The following GARIN2 variants were observed in gnomAD, a reference collection of about 807,000 sequenced individuals.
GARIN2 encodes golgi associated RAB2 interactor family member 2, also known as Golgi-associated RAB2 interactor protein 2.
At chr14:67,219,416 T>G in the GARIN2 span, among the ~76,000 whole-genome samples, 1 of 152,184 alleles carries the variant, frequency 6.6e-6, no homozygotes, top group African/African-American at 2.4e-5. Flanking sequence ...TCCAGTGACC[T>G]TCCTTTGACA....
the GARIN2 span, among the ~76,000 whole-genome samples, chr14:67,222,604 T>A: frequency 6.6e-6 from 1 of 152,142 alleles, no homozygotes; most frequent in Admixed American, 6.5e-5. Context: ...TATTTGGCAG[T>A]GGGGAGTGAT....
chr14:67,200,239 A>C, the GARIN2 span: 2 of 948,634 alleles, frequency 2.1e-6, no homozygotes, highest in Non-Finnish European at 3.1e-6. Context: ...CCCACACCCT[A>C]TGGCTACCAG....
At chr14:67,225,061 T>C in the GARIN2 span, 12 of 1,470,448 alleles carry the variant, frequency 8.2e-6, no homozygotes, top group East Asian at 2.3e-4. Flanking sequence ...TCTTTCTCAC[T>C]TCCTCTCTAT....
chr14:67,225,798 T>C, the GARIN2 span, among the ~76,000 whole-genome samples: 8 of 152,162 alleles, frequency 5.3e-5, no homozygotes, highest in African/African-American at 1.7e-4. Flanking sequence ...AGCTCTGCAG[T>C]GCGTTGCTGA....
chr14:67,212,613 A>G, the GARIN2 span, among the ~76,000 whole-genome samples: 1 of 145,378 alleles, frequency 6.9e-6, no homozygotes, highest in African/African-American at 2.5e-5. Context: ...ATATATATAT[A>G]TGTAATATAT....
At chr14:67,200,020 C>A in the GARIN2 span, 1 of 957,228 alleles carries the variant, frequency 1.0e-6, no homozygotes, top group Non-Finnish European at 1.6e-6. Context: ...TGGTTTAGGA[C>A]ATCCCCATTC....
chr14:67,213,426 G>T, the GARIN2 span, among the ~76,000 whole-genome samples: 2 of 142,680 alleles, frequency 1.4e-5, no homozygotes, highest in Non-Finnish European at 3.0e-5. Context: ...TTGGTTTTTT[G>T]TTCTTGCGAT....
At chr14:67,194,402 C>T in the GARIN2 span, among the ~76,000 whole-genome samples, 1 of 151,738 alleles carries the variant, frequency 6.6e-6, no homozygotes, top group African/African-American at 2.4e-5. Context: ...AGTTAATGTA[C>T]TTTACCATTG....
the GARIN2 span, among the ~76,000 whole-genome samples, chr14:67,225,591 G>C: frequency 6.6e-6 from 1 of 152,224 alleles, no homozygotes; most frequent in East Asian, 1.9e-4. Context: ...CTGCTTTTTA[G>C]ATCAGCCAAT....
At chr14:67,223,260 A>G in the GARIN2 span, among the ~76,000 whole-genome samples, 1 of 151,982 alleles carries the variant, frequency 6.6e-6, no homozygotes, top group African/African-American at 2.4e-5. Flanking sequence ...TTGGCCTCCC[A>G]AAGTGCTGGG....
the GARIN2 span, among the ~76,000 whole-genome samples, chr14:67,193,328 CTCTA>C: frequency 7.4e-6 from 1 of 134,622 alleles, no homozygotes; most frequent in African/African-American, 2.7e-5. Context: ...ATCTATATAT[CTCTA>C]TATAGATATC....
chr14:67,226,650 T>A, the GARIN2 span, among the ~76,000 whole-genome samples: 1 of 111,498 alleles, frequency 9.0e-6, no homozygotes, highest in East Asian at 5.8e-4. Context: ...CGTGAGCCAC[T>A]GTGCCTGGCT....
the GARIN2 span, among the ~76,000 whole-genome samples, chr14:67,208,825 A>C: frequency 6.6e-6 from 1 of 151,576 alleles, no homozygotes; most frequent in Non-Finnish European, 1.5e-5. Flanking sequence ...TGAACTCAGA[A>C]GGCAGAGGTT....
chr14:67,200,289 G>A, the GARIN2 span: 1 of 690,218 alleles, frequency 1.4e-6, no homozygotes, highest in South Asian at 1.8e-5. Flanking sequence ...GCCACCAGTT[G>A]CCCCTCGAGG....
the GARIN2 span, chr14:67,204,610 A>G: frequency 2.5e-6 from 4 of 1,613,842 alleles, no homozygotes; most frequent in East Asian, 2.2e-5. Context: ...AAAGCTGGTG[A>G]GTGGTCGAGC....
At chr14:67,198,036 A>G in the GARIN2 span, 1 of 1,140,494 alleles carries the variant, frequency 8.8e-7, no homozygotes, top group Non-Finnish European at 1.2e-6. Context: ...AGCATATCAC[A>G]GATATTGATA....
At chr14:67,218,514 T>G in the GARIN2 span, among the ~76,000 whole-genome samples, 1 of 152,112 alleles carries the variant, frequency 6.6e-6, no homozygotes, top group African/African-American at 2.4e-5. Flanking sequence ...GCCTGGGGCA[T>G]GTCAACCTGG....
the GARIN2 span, among the ~76,000 whole-genome samples, chr14:67,203,959 G>A: frequency 6.6e-6 from 1 of 152,118 alleles, no homozygotes; most frequent in Non-Finnish European, 1.5e-5. Context: ...TGATCCACCC[G>A]CCTTGGCCTC....
chr14:67,211,736 C>A, the GARIN2 span, among the ~76,000 whole-genome samples: 1 of 152,084 alleles, frequency 6.6e-6, no homozygotes, highest in East Asian at 1.9e-4. Context: ...AAAACCCTGC[C>A]ACCAAAACAA....
Sources: allele counts gnomAD v4.1 joint callset (sites outside exome capture counted in the v4.1 genomes callset), GRCh38; gene constraint gnomAD v4.1.1; transcripts MANE v1.5; gene names NCBI Gene and HGNC (gene_info 2026-07-23, HGNC 2026-07-21).